The following TBCK variants were observed in gnomAD, a reference collection of about 807,000 sequenced individuals.
TBCK encodes the protein TBC1 domain containing kinase, also known as TBC domain-containing protein kinase-like protein.
A neutral mutation model predicts 113.4 loss-of-function variants in TBCK; 99 were observed. The observed-to-expected ratio is 0.87, with a 90% confidence interval of 0.74 to 1.03. The LOEUF is 1.03. TBCK is among the 50% of genes least tolerant of loss of function. The pLI is 0.00. For synonymous variants in TBCK, 369 were observed against 370.8 expected (o/e 1.00, Z 0.05); for missense variants, 1,045 against 1,061.3 (o/e 0.98, Z 0.21).
chr4:106,116,364 G>T lies in TBCK; in HGVS notation c.2250C>A (p.Ile750=). 6.2e-7 allele frequency: 1 copy of T among 1,608,264 alleles called. No individual in the cohort carries two copies. The highest frequency in any genetic ancestry group is 8.5e-7 in the Non-Finnish European group (1 of 1,177,712). The change falls in exon 24 of 26, where the codon ATC becomes ATA. Residue 750 remains isoleucine (I), a synonymous_variant. Transcript: ENST00000394708. ...CTTCTGACTTCAGGTCATTTAATGG[G>T]ATGGATTCTCTTGACTGAAAAAAAA... ...PPKTDLSRES[I]PLNDLKSEVS...
intron 5 of TBCK, among the ~76,000 whole-genome samples, chr4:106,256,691 C>T (rs1191860992): frequency 6.6e-6 from 1 of 152,144 alleles, no homozygotes; most frequent in Non-Finnish European, 1.5e-5. Context: ...CTCCTGCCTG[C>T]TCCTGGCCCC....
chr4:106,157,193 C>T (rs1749230846), intron 23 of TBCK, among the ~76,000 whole-genome samples: 1 of 152,108 alleles, frequency 6.6e-6, no homozygotes, highest in African/African-American at 2.4e-5. Context: ...TTCTATCCTA[C>T]TGTGGATGAG....
chr4:106,242,749 C>T (rs1760306278), intron 11 of TBCK, among the ~76,000 whole-genome samples, 180 bp from the exon 12 acceptor site: 1 of 151,676 alleles, frequency 6.6e-6, no homozygotes, highest in Admixed American at 6.6e-5. Context: ...TTTTAGGGTA[C>T]ATGTGCACAA....
intron 19 of TBCK, among the ~76,000 whole-genome samples, chr4:106,220,879 G>T (rs1757599552): frequency 6.6e-6 from 1 of 152,102 alleles, no homozygotes. Context: ...AATTTACTCA[G>T]AAGCCAGAGA....
intron 23 of TBCK, among the ~76,000 whole-genome samples, chr4:106,152,114 G>A (rs2149683956): frequency 6.6e-6 from 1 of 151,870 alleles, no homozygotes; most frequent in South Asian, 2.1e-4. Flanking sequence ...ACTTCCAGTA[G>A]TGTGATGAAT....
intron 25 of TBCK, among the ~76,000 whole-genome samples, chr4:106,080,787 T>A (rs1234265151): frequency 6.6e-6 from 1 of 152,128 alleles, no homozygotes; most frequent in African/African-American, 2.4e-5. Flanking sequence ...GACAAAGGTC[T>A]AATATCCAGA....
At chr4:106,295,426 C>T (rs1766193730) in intron 2 of TBCK, among the ~76,000 whole-genome samples, 1 of 152,004 alleles carries the variant, frequency 6.6e-6, no homozygotes, top group Non-Finnish European at 1.5e-5. Flanking sequence ...GGTGGAAAGA[C>T]TGTCCTTGGG....
chr4:106,305,405 T>C (rs1159055890), intron 2 of TBCK, among the ~76,000 whole-genome samples: 3 of 152,104 alleles, frequency 2.0e-5, no homozygotes, highest in East Asian at 3.8e-4. Flanking sequence ...ATCATCAAAA[T>C]GAATGAATGT....
At chr4:106,150,765 A>C (rs1748383217) in intron 23 of TBCK, among the ~76,000 whole-genome samples, 1 of 152,128 alleles carries the variant, frequency 6.6e-6, no homozygotes, top group Non-Finnish European at 1.5e-5. Context: ...ATGAAGACAA[A>C]GTAGAAAGAG....
chr4:106,216,449 A>G (rs1675198511), intron 19 of TBCK, among the ~76,000 whole-genome samples: 1 of 152,228 alleles, frequency 6.6e-6, no homozygotes, highest in Non-Finnish European at 1.5e-5. Flanking sequence ...GAAAGGATCA[A>G]CAAAATTGAT....
chr4:106,142,200 C>G (rs1232398116), intron 23 of TBCK, among the ~76,000 whole-genome samples: 1 of 96,654 alleles, frequency 1.0e-5, no homozygotes, highest in Non-Finnish European at 2.7e-5. Flanking sequence ...TGTAGGATAT[C>G]TAAACAATAA....
At chr4:106,241,371 A>AT (rs1760122295) in intron 12 of TBCK, among the ~76,000 whole-genome samples, 1 of 151,918 alleles carries the variant, frequency 6.6e-6, no homozygotes, top group South Asian at 2.1e-4. Flanking sequence ...AAACCCTATA[A>AT]TTTTTTATGA....
intron 2 of TBCK, among the ~76,000 whole-genome samples, chr4:106,302,000 GAACA>G (rs1766998583): frequency 6.6e-6 from 1 of 152,080 alleles, no homozygotes; most frequent in South Asian, 2.1e-4. Context: ...GAATGTTTTG[GAACA>G]AACAGACTTT....
At chr4:106,315,821 CTCTA>C (rs1377344871) in intron 1 of TBCK, 106 bp downstream of exon 1, 1 of 152,416 alleles carries the variant, frequency 6.6e-6, no homozygotes, top group Non-Finnish European at 1.5e-5. Context: ...CAGCTCGGTT[CTCTA>C]TCTATTCTGA....
rs1259215819 is a variant in TBCK, at chr4:106,203,759, T to C, written c.1860+8991A>G. On this transcript the variant is annotated intron_variant, in intron 20 of 25. Coordinates refer to ENST00000394708, the MANE Select transcript of TBCK (RefSeq NM_001163435.3). ...ATATTTCAATTATTTCATTGATTAC[T>C]ACAAAAAACTTTTCAAAATTTTCAA... 2.0e-5 allele frequency among the ~76,000 whole-genome samples: 3 copies of C among 152,108 alleles called. No homozygotes were observed. The East Asian group carries it at 5.8e-4, about 29-fold the overall frequency.
chr4:106,166,384 T>G (rs1460791991), intron 23 of TBCK, among the ~76,000 whole-genome samples: 1 of 151,862 alleles, frequency 6.6e-6, no homozygotes, highest in Non-Finnish European at 1.5e-5. Flanking sequence ...CAGACAAGTT[T>G]CCTCAATTTA....
chr4:106,085,046 C>T (rs1739340293), intron 25 of TBCK, among the ~76,000 whole-genome samples: 4 of 152,144 alleles, frequency 2.6e-5, no homozygotes, highest in Admixed American at 2.6e-4. Flanking sequence ...AACTAGTATG[C>T]AAATTAACCA....
intron 23 of TBCK, among the ~76,000 whole-genome samples, chr4:106,159,369 A>G (rs1056134138): frequency 3.9e-5 from 6 of 152,274 alleles, no homozygotes; most frequent in Non-Finnish European, 7.4e-5. Context: ...ATGTGATCTT[A>G]TATCTAAAAA....
chr4:106,287,678 G>C (rs1451918509), intron 3 of TBCK, among the ~76,000 whole-genome samples: 2 of 152,214 alleles, frequency 1.3e-5, no homozygotes, highest in African/African-American at 4.8e-5. Flanking sequence ...AGCATGTCAA[G>C]AGGCCTGTGG....
Sources: gnomAD v4.1 joint callset for allele counts (sites outside exome capture counted in the v4.1 genomes callset) on GRCh38, gnomAD v4.1.1 for gene constraint, MANE v1.5 for transcripts, NCBI Gene and HGNC (gene_info 2026-07-23, HGNC 2026-07-21) for gene names.